SLC13A1: variants seen among roughly 807,000 people sequenced by gnomAD.
The protein encoded by SLC13A1 is Na(+)/sulfate cotransporter.
Under a neutral mutation model 70.0 loss-of-function variants are expected in SLC13A1, and 65 were observed. That is an observed-to-expected ratio of 0.93 (90% confidence interval 0.76 to 1.14). The LOEUF is 1.14. Ranked by LOEUF, SLC13A1 falls within the 50% of genes most tolerant of loss-of-function variation. The pLI, the probability that SLC13A1 is intolerant of heterozygous loss-of-function variation, is 0.00. For synonymous variants in SLC13A1, 275 were observed against 250.5 expected (o/e 1.10, Z -0.92); for missense variants, 726 against 717.8 (o/e 1.01, Z -0.13).
At chr7:123,165,151 T>C (rs1032788605) in intron 6 of SLC13A1, among the ~76,000 whole-genome samples, 3 of 152,092 alleles carry the variant, frequency 2.0e-5, no homozygotes, top group Admixed American at 6.6e-5. Context: ...TATACATTTA[T>C]TCCTGAAAAT....
At chr7:123,133,692 C>T (rs1793848253) in intron 8 of SLC13A1, among the ~76,000 whole-genome samples, 3 of 152,022 alleles carry the variant, frequency 2.0e-5, no homozygotes, top group African/African-American at 4.8e-5. Flanking sequence ...CCACACCTGG[C>T]TATTTTTTGT....
chr7:123,136,598 C>T (rs1793956033), intron 7 of SLC13A1, among the ~76,000 whole-genome samples: 1 of 152,130 alleles, frequency 6.6e-6, no homozygotes, highest in South Asian at 2.1e-4. Context: ...TTACCTAACA[C>T]TGTTTGGTAT....
At chr7:123,161,104 G>T (rs891549339) in intron 6 of SLC13A1, among the ~76,000 whole-genome samples, 1 of 151,508 alleles carries the variant, frequency 6.6e-6, no homozygotes, top group Non-Finnish European at 1.5e-5. Flanking sequence ...GGTGAAAGGA[G>T]TCAGAAGTTG....
At chr7:123,140,424 G>A (rs1260129986) in intron 7 of SLC13A1, among the ~76,000 whole-genome samples, 1 of 151,988 alleles carries the variant, frequency 6.6e-6, no homozygotes, top group Non-Finnish European at 1.5e-5. Context: ...TCTGGTTTTG[G>A]TACCAAGGTA....
At chr7:123,172,734 C>T (rs546472837) in intron 2 of SLC13A1, among the ~76,000 whole-genome samples, 1 of 152,134 alleles carries the variant, frequency 6.6e-6, no homozygotes, top group Non-Finnish European at 1.5e-5. Context: ...GAACTTTAAG[C>T]AACCATTTGC....
intron 11 of SLC13A1, among the ~76,000 whole-genome samples, chr7:123,125,086 T>C (rs1412961873): frequency 2.0e-5 from 3 of 152,176 alleles, no homozygotes; most frequent in Admixed American, 6.6e-5. Context: ...CTGGCCCTTT[T>C]ATTTCAGCTG....
intron 6 of SLC13A1, among the ~76,000 whole-genome samples, chr7:123,156,034 T>C (rs769709410): frequency 2.0e-5 from 3 of 152,080 alleles, no homozygotes; most frequent in Non-Finnish European, 4.4e-5. Context: ...AAGTAGAAGA[T>C]TTAACTGCTT....
At chr7:123,142,655 T>TTTTTTG (rs1794196073) in intron 7 of SLC13A1, among the ~76,000 whole-genome samples, 2 of 146,276 alleles carry the variant, frequency 1.4e-5, no homozygotes, top group African/African-American at 5.1e-5. Flanking sequence ...TTTTTTTTTT[T>TTTTTTG]GATGGAGGCT....
chr7:123,155,277 GTTTC>G (rs1346483696), intron 6 of SLC13A1, among the ~76,000 whole-genome samples: 1 of 150,450 alleles, frequency 6.6e-6, no homozygotes, highest in African/African-American at 2.4e-5. Context: ...TGTTTATTCT[GTTTC>G]TTTCTGTTTT....
At chr7:123,165,991 G>A (rs1011510842) in intron 6 of SLC13A1, among the ~76,000 whole-genome samples, 8 of 151,888 alleles carry the variant, frequency 5.3e-5, no homozygotes, top group African/African-American at 1.9e-4. Context: ...GCACTCTTCT[G>A]CTTGCACATG....
Position 123,114,851 on chromosome 7 carries a change from C to T in SLC13A1, c.*667G>A, listed in dbSNP as rs925166019. 6.6e-6 allele frequency: 1 copy of T among 152,062 alleles called. No individual in the cohort carries two copies. The highest frequency in any genetic ancestry group is 1.5e-5 in the Non-Finnish European group (1 of 68,006). The allele number at this position is 152,062 out of a possible 1,614,324, so 9.4% of individuals were successfully genotyped here. ...ATTATATTACACTAACTATAGAGTT[C>T]AGTAGAAATAAATTCTTATCTGTAA... On this transcript the variant is annotated 3_prime_UTR_variant, in exon 15 of 15. Transcript: ENST00000194130.
chr7:123,123,684 A>G (rs1325780884), intron 11 of SLC13A1, among the ~76,000 whole-genome samples: 1 of 152,166 alleles, frequency 6.6e-6, no homozygotes, highest in Non-Finnish European at 1.5e-5. Context: ...TGAACATTTT[A>G]TTAGTTTTTA....
chr7:123,151,731 C>G (rs1794562851), intron 6 of SLC13A1, among the ~76,000 whole-genome samples: 1 of 152,084 alleles, frequency 6.6e-6, no homozygotes, highest in African/African-American at 2.4e-5. Flanking sequence ...GGTTTTGAAA[C>G]CATGCAGTCT....
intron 6 of SLC13A1, among the ~76,000 whole-genome samples, chr7:123,167,459 A>G (rs547971720): frequency 7.2e-5 from 11 of 152,312 alleles, no homozygotes; most frequent in African/African-American, 2.4e-4. Flanking sequence ...GTAATTAACA[A>G]GAGGGTTTTC....
intron 1 of SLC13A1, among the ~76,000 whole-genome samples, chr7:123,192,071 C>T (rs1796014077): frequency 1.3e-5 from 2 of 152,080 alleles, no homozygotes; most frequent in Non-Finnish European, 2.9e-5. Flanking sequence ...CTCCTCCTTG[C>T]CTGGAACTGG....
At chr7:123,183,863 A>G (rs1284932155) in intron 1 of SLC13A1, among the ~76,000 whole-genome samples, 1 of 152,090 alleles carries the variant, frequency 6.6e-6, no homozygotes, top group Non-Finnish European at 1.5e-5. Flanking sequence ...TTCATAACCC[A>G]TTTGTAAAAC....
chr7:123,175,028 T>G (rs571872445), intron 2 of SLC13A1, among the ~76,000 whole-genome samples: 18 of 152,224 alleles, frequency 1.2e-4, no homozygotes, highest in African/African-American at 3.9e-4. Context: ...CTTCACTTAT[T>G]TATCCCCTTT....
intron 6 of SLC13A1, among the ~76,000 whole-genome samples, chr7:123,158,557 C>T (rs754233055): frequency 1.3e-5 from 2 of 151,800 alleles, no homozygotes; most frequent in Non-Finnish European, 2.9e-5. Context: ...AGAAATAACA[C>T]CTGATAATTT....
Position 123,171,807 on chromosome 7 carries a change from G to T in SLC13A1, c.326C>A (p.Ala109Asp). The T allele has an allele frequency of 6.2e-7, 1 of 1,613,844 alleles. No homozygotes were observed. The highest frequency in any genetic ancestry group is 1.1e-5 in the South Asian group (1 of 91,056). ...IEKWNLHKRI[A>D]LKMVMMVGVN... ...ACCAACCATCATCACCATTTTCAGA[G>T]CAATTCTCTTGTGCAAATTCCATTT... The change falls in exon 3 of 15, where the codon GCT becomes GAT. Residue 109 changes from alanine to aspartate, a missense_variant. By Grantham distance (126) the Ala-to-Asp change is moderately radical (BLOSUM62 -2). Coordinates refer to ENST00000194130, the MANE Select transcript of SLC13A1 (RefSeq NM_022444.4).
Sources: allele counts gnomAD v4.1 joint callset (sites outside exome capture counted in the v4.1 genomes callset), GRCh38; gene constraint gnomAD v4.1.1; transcripts MANE v1.5; gene names NCBI Gene and HGNC (gene_info 2026-07-23, HGNC 2026-07-21).